The following RASGRP3 variants were observed in gnomAD, a reference collection of about 807,000 sequenced individuals.
RASGRP3 encodes RAS guanyl releasing protein 3.
RASGRP3 carries 54 observed loss-of-function variants against 82.7 expected under a neutral mutation model. That is an observed-to-expected ratio of 0.65 (90% CI 0.52 to 0.82). The LOEUF (loss-of-function observed/expected upper bound fraction) is 0.82, where lower values mean the gene tolerates loss of function less well. RASGRP3 is among the 40% of genes least tolerant of loss of function. RASGRP3 has a pLI of 0.00. For missense variants in RASGRP3, 861 were observed against 828.9 expected (o/e 1.04, Z -0.48); for synonymous variants, 309 against 300.5 (o/e 1.03, Z -0.29).
At chr2:33,555,597 T>A (rs1482791615) in intron 15 of RASGRP3, 30 bp downstream of exon 15, 1 of 1,526,530 alleles carries the variant, frequency 6.6e-7, no homozygotes, top group Non-Finnish European at 9.0e-7. Flanking sequence ...TTACAATTTT[T>A]AAAATGTGAC....
intron 14 of RASGRP3, chr2:33,554,909 C>T (rs1675773028): frequency 1.3e-5 from 2 of 152,384 alleles, no homozygotes; most frequent in East Asian, 1.9e-4. Flanking sequence ...AGGGATTTGT[C>T]ACTTCCTACT....
chr2:33,549,669 G>A lies in RASGRP3; in HGVS notation c.1460G>A (p.Cys487Tyr). ...YFLRAKSQLH[C>Y]KMGPGFIHNF... ...CTGAGAGCTAAATCCCAACTACACT[G>A]TAAAATGGGACCAGGATTTATCCAT... Residue 487 changes from cysteine (C) to tyrosine (Y), a missense_variant, in exon 14 of 18, where the codon TGT becomes TAT. Physicochemically the swap from Cys to Tyr is radical, Grantham distance 194. Transcript: ENST00000403687. 1.2e-6 allele frequency: 2 copies of A among 1,613,544 alleles called. No homozygotes were observed. The highest frequency in any genetic ancestry group is 1.7e-6 in the Non-Finnish European group (2 of 1,179,504).
chr2:33,534,163 AT>A, intron 10 of RASGRP3, 159 bp from the exon 11 acceptor site: 1 of 608,036 alleles, frequency 1.6e-6, no homozygotes, highest in Non-Finnish European at 2.9e-6. Flanking sequence ...TCTCTTTTAA[AT>A]TTCATTTTCC....
rs140629786 is a variant in RASGRP3, at chr2:33,461,779, A to G, written c.-261+13836A>G. ...AAGTTATAAGTAATACCGAGACTACAGTCAAAAGATTGAGCAAATACAGTG... is the reference window on the plus strand; with the variant it reads ...AAGTTATAAGTAATACCGAGACTACGGTCAAAAGATTGAGCAAATACAGTG... On this transcript the variant is annotated intron_variant, in intron 2 of 18. Transcript: ENST00000402538. Among the ~76,000 whole-genome samples, 309 of 152,392 alleles carry G rather than the reference A, an allele frequency of 2.0e-3. 2 individuals are homozygous for G. In the Middle Eastern group the frequency reaches 0.027, roughly 13 times the overall value.
chr2:33,508,365 A>T (rs1182349678), intron 1 of RASGRP3, among the ~76,000 whole-genome samples: 1 of 152,224 alleles, frequency 6.6e-6, no homozygotes, highest in Non-Finnish European at 1.5e-5. Flanking sequence ...AGGAAAAAAA[A>T]TATTGGAGGA....
At chr2:33,462,540 G>T (rs1411747613) in intron 2 of RASGRP3, among the ~76,000 whole-genome samples, 1 of 151,968 alleles carries the variant, frequency 6.6e-6, no homozygotes, top group Non-Finnish European at 1.5e-5. Flanking sequence ...ACCATAGCCC[G>T]GCTAGATTTG....
At chr2:33,500,460 T>C (rs950659375) in intron 1 of RASGRP3, among the ~76,000 whole-genome samples, 1 of 151,670 alleles carries the variant, frequency 6.6e-6, no homozygotes, top group Non-Finnish European at 1.5e-5. Flanking sequence ...GCGGTGGAGA[T>C]GAAGGGCAGT....
At chr2:33,543,211 C>T (rs1027147938) in intron 12 of RASGRP3, among the ~76,000 whole-genome samples, 1 of 152,080 alleles carries the variant, frequency 6.6e-6, no homozygotes, top group African/African-American at 2.4e-5. Context: ...AATGAGGTCT[C>T]TCTATATTGC....
intron 1 of RASGRP3, among the ~76,000 whole-genome samples, chr2:33,443,360 G>T (rs1327412130): frequency 5.9e-5 from 9 of 152,104 alleles, no homozygotes; most frequent in Non-Finnish European, 2.9e-5. Context: ...AGTAAGGCAG[G>T]TATTATGCTG....
At chr2:33,504,013 C>T (rs1054117082) in intron 1 of RASGRP3, among the ~76,000 whole-genome samples, 3 of 152,162 alleles carry the variant, frequency 2.0e-5, no homozygotes, top group African/African-American at 7.2e-5. Context: ...TATATCCCTA[C>T]CTGACCCCAA....
At chr2:33,470,581 G>T (rs1438458965) in intron 2 of RASGRP3, among the ~76,000 whole-genome samples, 1 of 151,870 alleles carries the variant, frequency 6.6e-6, no homozygotes. Context: ...GGGTTTCACC[G>T]TGTTAGCCAG....
At chr2:33,471,447 A>C (rs767272907) in intron 2 of RASGRP3, among the ~76,000 whole-genome samples, 2 of 148,140 alleles carry the variant, frequency 1.4e-5, no homozygotes, top group African/African-American at 5.0e-5. Flanking sequence ...CTCCCAAAGC[A>C]CTGGGGTTAC....
intron 1 of RASGRP3, among the ~76,000 whole-genome samples, chr2:33,437,639 G>T (rs1057081858): frequency 1.3e-5 from 2 of 152,320 alleles, no homozygotes; most frequent in South Asian, 4.2e-4. Context: ...AGCAGAACCA[G>T]CTAGAACCGG....
At chr2:33,494,681 C>T (rs1669156753) in intron 1 of RASGRP3, among the ~76,000 whole-genome samples, 1 of 152,102 alleles carries the variant, frequency 6.6e-6, no homozygotes, top group Non-Finnish European at 1.5e-5. Flanking sequence ...TCTCAGGTAG[C>T]CCAACGTACA....
rs554175671 is a variant in RASGRP3 at position 33,495,217 on chromosome 2, A to G, written c.-260-16493A>G. Among the ~76,000 whole-genome samples the G allele has an allele frequency of 5.6e-4, 86 of 152,330 alleles. 1 individual carries two copies. The highest frequency in any genetic ancestry group is 2.0e-3 in the African/African-American group (83 of 41,582). On this transcript the variant is annotated intron_variant, in intron 1 of 17. Transcript: ENST00000403687. ...AGCAGCAATCCCTAACACTTTTGGC[A>G]CAAGGGACAGATTTCGTGGAAGACT...
At chr2:33,475,238 C>T (rs4145831), upstream of RASGRP3, among the ~76,000 whole-genome samples, 129,297 of 152,200 alleles carry the variant, frequency 0.85, 55,006 homozygotes, top group South Asian at 0.88. Context: ...TTACAAAATT[C>T]TCCCATTTGC....
chr2:33,543,206 G>A (rs1674432752), intron 12 of RASGRP3, among the ~76,000 whole-genome samples: 1 of 152,008 alleles, frequency 6.6e-6, no homozygotes, highest in African/African-American at 2.4e-5. Flanking sequence ...GTAGCAATGA[G>A]GTCTCTCTAT....
intron 16 of RASGRP3, 22 bp from the exon 17 acceptor site, chr2:33,558,650 C>A: frequency 6.4e-7 from 1 of 1,556,752 alleles, no homozygotes; most frequent in Non-Finnish European, 8.7e-7. Context: ...GTCAAATAAT[C>A]ACCACCCTTT....
chr2:33,538,251 C>G (rs1398937607), intron 11 of RASGRP3, among the ~76,000 whole-genome samples: 2 of 152,086 alleles, frequency 1.3e-5, no homozygotes, highest in South Asian at 4.1e-4. Context: ...ACCTGTAATC[C>G]CAGCACTTTG....
Sources: gnomAD v4.1 joint callset for allele counts (sites outside exome capture counted in the v4.1 genomes callset) on GRCh38, gnomAD v4.1.1 for gene constraint, MANE v1.5 for transcripts, NCBI Gene and HGNC (gene_info 2026-07-23, HGNC 2026-07-21) for gene names.